Variants in NR6A1 observed in about 807,000 individuals in gnomAD.
NR6A1 encodes the protein nuclear receptor subfamily 6 group A member 1.
Under a neutral mutation model 59.1 loss-of-function variants are expected in NR6A1, and 7 were observed. The observed-to-expected ratio is 0.12, with a 90% confidence interval of 0.07 to 0.22. The LOEUF (loss-of-function observed/expected upper bound fraction) is 0.22, where lower values mean the gene tolerates loss of function less well. Among genes scored for constraint, NR6A1 ranks in the 10% least tolerant of loss-of-function variants. The pLI, the probability that NR6A1 is intolerant of heterozygous loss-of-function variation, is 1.00. For synonymous variants in NR6A1, 243 were observed against 236.1 expected (o/e 1.03, Z -0.27); for missense variants, 468 against 611.6 (o/e 0.77, Z 2.48).
intron 2 of NR6A1, among the ~76,000 whole-genome samples, chr9:124,639,388 C>G (rs778643735): frequency 8.5e-5 from 13 of 152,192 alleles, no homozygotes; most frequent in Non-Finnish European, 7.3e-5. Context: ...TAAACTCTTA[C>G]TGAAGCCCAG....
chr9:124,727,073 C>T (rs1285656588), intron 2 of NR6A1, among the ~76,000 whole-genome samples: 1 of 152,220 alleles, frequency 6.6e-6, no homozygotes, highest in African/African-American at 2.4e-5. Flanking sequence ...AATGCTGAAT[C>T]ATTTTTAAAT....
chr9:124,768,171 C>T (rs1840991629), intron 1 of NR6A1, among the ~76,000 whole-genome samples: 1 of 152,206 alleles, frequency 6.6e-6, no homozygotes, highest in Admixed American at 6.5e-5. Flanking sequence ...GAAAACATTT[C>T]TAAAATGCCA....
intron 1 of NR6A1, among the ~76,000 whole-genome samples, chr9:124,769,317 A>G (rs1251437660): frequency 6.6e-6 from 1 of 152,096 alleles, no homozygotes; most frequent in Non-Finnish European, 1.5e-5. Flanking sequence ...CATCAAGTGA[A>G]GTTAACCAAG....
At chr9:124,599,672 C>CT (rs2130819028) in intron 2 of NR6A1, 2 of 1,024,258 alleles carry the variant, frequency 2.0e-6, no homozygotes, top group African/African-American at 3.5e-5. Flanking sequence ...CCCTCTGCGT[C>CT]TGGCCATGAA....
At chr9:124,536,516 G>T (rs1359016206) in intron 6 of NR6A1, among the ~76,000 whole-genome samples, 1 of 152,040 alleles carries the variant, frequency 6.6e-6, no homozygotes, top group Non-Finnish European at 1.5e-5. Context: ...AAAATTAGCC[G>T]GGCGTGGTAG....
intron 1 of NR6A1, among the ~76,000 whole-genome samples, chr9:124,745,919 C>T (rs1840318310): frequency 6.9e-6 from 1 of 145,568 alleles, no homozygotes; most frequent in Non-Finnish European, 1.5e-5. Context: ...ATCCGGGAGG[C>T]AGAGGTTGCA....
rs1222390015 is a variant in NR6A1, at chr9:124,519,985, G to A, written c.*2720C>T. Reference sequence around the variant, plus strand: ...TTGGGGATCAGAGAGAGGGCAGAAAGAGAAATTAGAGAAAACATGCACAAC... The same window carrying A: ...TTGGGGATCAGAGAGAGGGCAGAAAAAGAAATTAGAGAAAACATGCACAAC... On this transcript the variant is annotated 3_prime_UTR_variant, in exon 10 of 10. Coordinates refer to ENST00000487099, the MANE Select transcript of NR6A1 (RefSeq NM_033334.4). 2.0e-5 allele frequency: 3 copies of A among 147,434 alleles called. No homozygotes were observed. Among genetic ancestry groups the A allele is most frequent in the Non-Finnish European group, 4.4e-5 (3 of 67,480 alleles). 9.1% of individuals were successfully genotyped at this position (147,434 alleles called of 1,614,324 possible).
At chr9:124,610,721 G>A (rs1379990644) in intron 2 of NR6A1, among the ~76,000 whole-genome samples, 10 of 152,114 alleles carry the variant, frequency 6.6e-5, no homozygotes, top group South Asian at 2.1e-4. Context: ...CTGTAAATCC[G>A]TCTGGTCCTC....
At chr9:124,553,714 G>A (rs958864400) in intron 3 of NR6A1, among the ~76,000 whole-genome samples, 10 of 151,134 alleles carry the variant, frequency 6.6e-5, no homozygotes, top group African/African-American at 1.5e-4. Flanking sequence ...TATTTCCCCC[G>A]TTCCTTCAGA....
intron 2 of NR6A1, among the ~76,000 whole-genome samples, chr9:124,627,882 C>CTTTTT (rs59874800): frequency 2.4e-5 from 2 of 83,738 alleles, no homozygotes; most frequent in African/African-American, 7.9e-5. Context: ...CTGAGATTTT[C>CTTTTT]TTTTTTTTTT....
At chr9:124,661,712 A>C (rs184805939) in intron 2 of NR6A1, among the ~76,000 whole-genome samples, 4 of 152,340 alleles carry the variant, frequency 2.6e-5, no homozygotes, top group Admixed American at 2.6e-4. Context: ...CACCAAACAC[A>C]AACATCAGTT....
chr9:124,674,950 G>GA (rs1265473387), intron 2 of NR6A1, among the ~76,000 whole-genome samples: 1 of 152,188 alleles, frequency 6.6e-6, no homozygotes, highest in Non-Finnish European at 1.5e-5. Context: ...ACAACAAACT[G>GA]ATAACCAACA....
intron 2 of NR6A1, among the ~76,000 whole-genome samples, chr9:124,720,679 CAA>C (rs1242182487): frequency 6.6e-6 from 1 of 152,054 alleles, no homozygotes; most frequent in African/African-American, 2.4e-5. Flanking sequence ...GGTAAAGAGG[CAA>C]AGAGTGGTCC....
At position 124,615,824 on chromosome 9, in the gene NR6A1, TTTTA is replaced by T. The variant is rs541008311; in HGVS notation, c.143-61258_143-61255del. ...CACTTAGTACTTGTACAATCTTAGG[TTTTA>T]TTTATTTATTTATTTATTTATTTTG... On this transcript the variant is annotated intron_variant, in intron 2 of 9. Transcript: ENST00000487099. 4.7e-4 allele frequency among the ~76,000 whole-genome samples: 72 copies of T among 151,884 alleles called. 1 individual carries two copies. Among genetic ancestry groups the T allele is most frequent in the African/African-American group, 1.6e-3 (66 of 41,452 alleles).
intron 2 of NR6A1, among the ~76,000 whole-genome samples, chr9:124,696,973 C>CT (rs2131036846): frequency 6.6e-6 from 1 of 152,258 alleles, no homozygotes; most frequent in South Asian, 2.1e-4. Context: ...TCTTTCTTCA[C>CT]TTAAAATATT....
chr9:124,737,169 T>C (rs552816648), intron 1 of NR6A1, among the ~76,000 whole-genome samples: 2 of 152,146 alleles, frequency 1.3e-5, no homozygotes, highest in Non-Finnish European at 2.9e-5. Context: ...GGAAAGACTC[T>C]ATATTCACAC....
chr9:124,551,437 C>T (rs955003956), intron 3 of NR6A1, among the ~76,000 whole-genome samples: 43 of 152,190 alleles, frequency 2.8e-4, no homozygotes, highest in Admixed American at 2.7e-3. Context: ...AAACCTGACT[C>T]TCATTGTCCA....
chr9:124,537,984 C>T, intron 6 of NR6A1, 108 bp downstream of exon 6: 2 of 805,978 alleles, frequency 2.5e-6, no homozygotes, highest in Non-Finnish European at 4.0e-6. Context: ...AGTCATTATC[C>T]CCCCAACTCA....
At chr9:124,555,241 G>C (rs1486475351) in intron 2 of NR6A1, among the ~76,000 whole-genome samples, 1 of 152,168 alleles carries the variant, frequency 6.6e-6, no homozygotes, top group Middle Eastern at 3.2e-3. Context: ...ATAGAATATA[G>C]CTCTTCACTT....
Sources: allele counts gnomAD v4.1 joint callset (sites outside exome capture counted in the v4.1 genomes callset), GRCh38; gene constraint gnomAD v4.1.1; transcripts MANE v1.5; gene names NCBI Gene and HGNC (gene_info 2026-07-23, HGNC 2026-07-21).